The following ADAM12 variants were observed in gnomAD, a reference collection of about 807,000 sequenced individuals.
ADAM12 encodes the protein ADAM metallopeptidase domain 12, also known as disintegrin and metalloproteinase domain-containing protein 12.
A neutral mutation model predicts 106.4 loss-of-function variants in ADAM12; 70 were observed. That is an observed-to-expected ratio of 0.66 (90% CI 0.54 to 0.80). The LOEUF is 0.80. ADAM12 is among the 30% of genes least tolerant of loss of function. The probability of loss-of-function intolerance (pLI) is 0.00; values close to 1 mark genes in which losing one functional copy is unlikely to be tolerated. For missense variants in ADAM12, 1,010 were observed against 1,171.9 expected (o/e 0.86, Z 2.02); for synonymous variants, 420 against 433.5 (o/e 0.97, Z 0.39).
intron 3 of ADAM12, among the ~76,000 whole-genome samples, chr10:126,166,960 C>T (rs963929147): frequency 2.0e-5 from 3 of 152,176 alleles, no homozygotes; most frequent in African/African-American, 4.8e-5. Context: ...CAGAATGAAT[C>T]GCAAGGGTAG....
chr10:126,025,759 T>C (rs1953860830), intron 21 of ADAM12, among the ~76,000 whole-genome samples: 1 of 152,194 alleles, frequency 6.6e-6, no homozygotes, highest in Non-Finnish European at 1.5e-5. Context: ...CCAGGATAAC[T>C]TCCCCTACCT....
At chr10:126,068,704 C>T (rs1378300393) in intron 12 of ADAM12, among the ~76,000 whole-genome samples, 6 of 152,212 alleles carry the variant, frequency 3.9e-5, no homozygotes, top group African/African-American at 1.4e-4. Context: ...TACCATATTT[C>T]TCAGAAGAGA....
At chr10:126,030,049 A>G (rs1015939865) in intron 21 of ADAM12, among the ~76,000 whole-genome samples, 2 of 152,228 alleles carry the variant, frequency 1.3e-5, no homozygotes, top group Admixed American at 1.3e-4. Context: ...ATTGAAAACA[A>G]CCCATCTGGG....
intron 5 of ADAM12, among the ~76,000 whole-genome samples, chr10:126,118,491 T>A (rs1003706190): frequency 3.3e-5 from 5 of 152,274 alleles, no homozygotes; most frequent in Admixed American, 6.5e-5. Flanking sequence ...TGTATGTTTT[T>A]ATCTCTTTTT....
intron 3 of ADAM12, among the ~76,000 whole-genome samples, chr10:126,271,585 T>C (rs1959176328): frequency 6.6e-6 from 1 of 152,166 alleles, no homozygotes. Flanking sequence ...GGCAACATGG[T>C]GAAACCCGGT....
rs755616823 is a variant in ADAM12, at chr10:126,071,525, C to T, written c.1275G>A (p.Gly425=). The change falls in exon 12 of 23, where the codon GGG becomes GGA. Residue 425 remains glycine, a synonymous_variant. Coordinates refer to ENST00000448723, the MANE Select transcript of ADAM12 (RefSeq NM_001288973.2). The part of the protein sequence containing the change: ...VRESFGGQKC[G]NRFVEEGEEC... ...CCTCTCCTTCTTCCACAAATCTGTT[C>T]CCACACTTCTGGCCCCCGAAAGACT... 5.0e-6 allele frequency: 8 copies of T among 1,614,026 alleles called. No homozygotes were observed. The East Asian group carries it at 1.3e-4, about 27-fold the overall frequency.
At chr10:126,303,955 A>G (rs761710833) in intron 2 of ADAM12, among the ~76,000 whole-genome samples, 7 of 152,214 alleles carry the variant, frequency 4.6e-5, no homozygotes, top group Non-Finnish European at 1.5e-5. Flanking sequence ...TATAAATTTC[A>G]CAGTCTTTCT....
chr10:126,334,849 T>C (rs888965513), intron 1 of ADAM12, among the ~76,000 whole-genome samples: 2 of 152,262 alleles, frequency 1.3e-5, no homozygotes, highest in Admixed American at 6.5e-5. Flanking sequence ...CTCTAAGACA[T>C]ACACAGTGAA....
intron 1 of ADAM12, among the ~76,000 whole-genome samples, chr10:126,340,342 C>T (rs1369675314): frequency 6.6e-6 from 1 of 152,166 alleles, no homozygotes; most frequent in African/African-American, 2.4e-5. Flanking sequence ...TAAGCAATTG[C>T]TATGCAAGGA....
At chr10:126,205,785 T>C (rs1039296252) in intron 3 of ADAM12, among the ~76,000 whole-genome samples, 33 of 152,374 alleles carry the variant, frequency 2.2e-4, no homozygotes, top group Admixed American at 1.9e-3. Flanking sequence ...ATGTATAACA[T>C]GTTACTGTCT....
chr10:126,018,601 A>T (rs775324638), intron 22 of ADAM12, among the ~76,000 whole-genome samples: 2 of 152,198 alleles, frequency 1.3e-5, no homozygotes, highest in African/African-American at 2.4e-5. Context: ...AATATAAAAT[A>T]TCATAAATTT....
chr10:126,309,191 T>C (rs955629000), intron 2 of ADAM12, among the ~76,000 whole-genome samples: 2 of 152,298 alleles, frequency 1.3e-5, no homozygotes, highest in East Asian at 3.9e-4. Context: ...CTAAATGAGA[T>C]CTCAGAGACT....
intron 11 of ADAM12, among the ~76,000 whole-genome samples, chr10:126,074,606 T>C (rs1403148946): frequency 6.6e-6 from 1 of 152,236 alleles, no homozygotes; most frequent in Non-Finnish European, 1.5e-5. Context: ...ATAATCTATT[T>C]CTACTTCCCT....
At chr10:126,023,949 G>A (rs1433511663) in intron 21 of ADAM12, among the ~76,000 whole-genome samples, 1 of 151,066 alleles carries the variant, frequency 6.6e-6, no homozygotes, top group Non-Finnish European at 1.5e-5. Flanking sequence ...GGAACCAGGA[G>A]TGAGAAGTGA....
intron 11 of ADAM12, among the ~76,000 whole-genome samples, chr10:126,074,904 C>A (rs992110122): frequency 2.6e-5 from 4 of 152,186 alleles, no homozygotes; most frequent in South Asian, 4.1e-4. Flanking sequence ...ATGCCGCCTG[C>A]CTTCCAGGTC....
chr10:126,321,634 CTTG>C (rs767842825), intron 2 of ADAM12, among the ~76,000 whole-genome samples: 9 of 152,072 alleles, frequency 5.9e-5, no homozygotes, highest in Non-Finnish European at 8.8e-5. Flanking sequence ...ACAATCACAT[CTTG>C]TTGAAGAAAG....
intron 3 of ADAM12, among the ~76,000 whole-genome samples, chr10:126,256,141 T>C: frequency 6.6e-6 from 1 of 152,134 alleles, no homozygotes; most frequent in East Asian, 1.9e-4. Flanking sequence ...ATCACCCCCC[T>C]ACCTGGCAAC....
At position 126,249,393 on chromosome 10, in the gene ADAM12, A is replaced by C. The variant is rs563319640; in HGVS notation, c.260+29522T>G. Among the ~76,000 whole-genome samples the C allele has an allele frequency of 5.6e-4, 86 of 152,296 alleles. 1 individual carries two copies. The highest frequency in any genetic ancestry group is 5.6e-3 in the South Asian group (27 of 4,816). On this transcript the variant is annotated intron_variant, in intron 3 of 22. Transcript: ENST00000448723. ...GAAGCAGACGCCTTACAAATTAGCC[A>C]AAGTGCCTTAGAAAACCAACACCAG...
At chr10:126,282,152 C>T (rs1179431377) in intron 2 of ADAM12, among the ~76,000 whole-genome samples, 2 of 152,176 alleles carry the variant, frequency 1.3e-5, no homozygotes, top group East Asian at 3.9e-4. Context: ...GGCTTTGAGA[C>T]AGTTGCCTTC....
Sources: gnomAD v4.1 joint callset for allele counts (sites outside exome capture counted in the v4.1 genomes callset) on GRCh38, gnomAD v4.1.1 for gene constraint, MANE v1.5 for transcripts, NCBI Gene and HGNC (gene_info 2026-07-23, HGNC 2026-07-21) for gene names.